The following LYST variants were observed in gnomAD, a reference collection of about 807,000 sequenced individuals.
The protein encoded by LYST is lysosomal-trafficking regulator.
A neutral mutation model predicts 413.6 loss-of-function variants in LYST; 192 were observed. The observed-to-expected ratio is 0.46, with a 90% CI of 0.41 to 0.52. LYST has a LOEUF of 0.52. Among genes scored for constraint, LYST ranks in the 20% least tolerant of loss-of-function variants. The pLI is 0.00. For missense variants in LYST, 3,815 were observed against 4,499.9 expected (o/e 0.85, Z 4.35); for synonymous variants, 1,525 against 1,567.3 (o/e 0.97, Z 0.64).
intron 1 of LYST, among the ~76,000 whole-genome samples, chr1:235,835,619 AG>A (rs1446635144): frequency 1.3e-5 from 2 of 152,230 alleles, no homozygotes; most frequent in African/African-American, 2.4e-5. Context: ...CCACCAGCAC[AG>A]TCACATGTGT....
chr1:235,832,050 T>C (rs1348622995), intron 2 of LYST, among the ~76,000 whole-genome samples: 1 of 152,212 alleles, frequency 6.6e-6, no homozygotes, highest in Non-Finnish European at 1.5e-5. Flanking sequence ...GTATCGTTTC[T>C]GGGATTTTCC....
Position 235,730,900 on chromosome 1 carries a change from A to G in LYST, c.8991T>C (p.Thr2997=). The G allele has an allele frequency of 6.2e-7, 1 of 1,613,834 alleles. No homozygotes were observed. Among genetic ancestry groups the G allele is most frequent in the Non-Finnish European group, 8.5e-7 (1 of 1,179,774 alleles). The change falls in exon 36 of 53, where the codon ACT becomes ACC. Residue 2997 remains threonine (T), a synonymous_variant. Coordinates refer to ENST00000389793, the MANE Select transcript of LYST (RefSeq NM_000081.4). ...TGACAGTAGAAGAGAAAGAAGAATG[A>G]GTTTTGTCTTCAAACAGGTAAGAGA... ...PPLSYLFEDK[T]HSSFSSTVKD... is the part of the protein sequence containing the mutation.
rs200223849 is a variant in LYST at position 235,748,357 on chromosome 1, TG to T, written c.7781-1831del. ...AAAAAATACATTTAAAAGTATATAT[TG>T]CTACCTTATTTATAATAGCAAAAAC... On this transcript the variant is annotated intron_variant, in intron 28 of 52. Transcript: ENST00000389793. Among the ~76,000 whole-genome samples the T allele has an allele frequency of 1.4e-3, 214 of 152,296 alleles. 2 individuals carry two copies. In the East Asian group the frequency reaches 0.014, roughly 10 times the overall value.
chr1:235,770,371 A>G (rs1450542366), intron 19 of LYST, 74 bp from the exon 20 acceptor site: 6 of 1,268,724 alleles, frequency 4.7e-6, no homozygotes, highest in Non-Finnish European at 6.9e-6. Context: ...GAAGACACAC[A>G]ACGCGCAACA....
chr1:235,687,621 C>T (rs998081539), intron 47 of LYST, among the ~76,000 whole-genome samples: 8 of 152,158 alleles, frequency 5.3e-5, no homozygotes, highest in African/African-American at 1.9e-4. Context: ...AGTCAATTTT[C>T]TATGTGGCCT....
At chr1:235,734,704 C>T in intron 31 of LYST, 45 bp from the exon 32 acceptor site, 1 of 1,336,148 alleles carries the variant, frequency 7.5e-7, no homozygotes, top group Non-Finnish European at 1.1e-6. Flanking sequence ...AATTTTAATT[C>T]TTACATTTAA....
chr1:235,727,148 A>G (rs1336710279), intron 38 of LYST, among the ~76,000 whole-genome samples: 1 of 142,466 alleles, frequency 7.0e-6, no homozygotes, highest in African/African-American at 2.6e-5. Flanking sequence ...TTTGAGACAG[A>G]GTCTCGCTCT....
At chr1:235,732,674 G>C (rs1664486110) in intron 34 of LYST, among the ~76,000 whole-genome samples, 1 of 152,160 alleles carries the variant, frequency 6.6e-6, no homozygotes, top group Admixed American at 6.5e-5. Flanking sequence ...GTGGTATCTA[G>C]AGGTTCTAGA....
chr1:235,737,761 C>T, intron 31 of LYST: 10 of 293,684 alleles, frequency 3.4e-5, no homozygotes, highest in Non-Finnish European at 5.1e-5. Context: ...TAATGACACT[C>T]CAAAAATAAA....
At chr1:235,881,851 A>C (rs1261223137) in intron 1 of LYST, among the ~76,000 whole-genome samples, 3 of 152,112 alleles carry the variant, frequency 2.0e-5, no homozygotes, top group African/African-American at 7.2e-5. Context: ...TGGTCGCCAG[A>C]AGCTGGGGGA....
At chr1:235,696,268 T>C (rs1253320553) in intron 46 of LYST, among the ~76,000 whole-genome samples, 1 of 152,220 alleles carries the variant, frequency 6.6e-6, no homozygotes, top group Non-Finnish European at 1.5e-5. Context: ...GCTGGCACCT[T>C]TGTATTGCAG....
At chr1:235,799,332 T>C (rs962257984) in intron 10 of LYST, among the ~76,000 whole-genome samples, 1 of 152,174 alleles carries the variant, frequency 6.6e-6, no homozygotes. Flanking sequence ...ATTTACATAG[T>C]CTCAAGTTAT....
chr1:235,875,075 G>T (rs1267707193), intron 1 of LYST, among the ~76,000 whole-genome samples: 1 of 152,172 alleles, frequency 6.6e-6, no homozygotes, highest in African/African-American at 2.4e-5. Context: ...GTACATTAAA[G>T]TATATTTTGT....
intron 19 of LYST, 97 bp from the exon 20 acceptor site, chr1:235,770,394 G>A: frequency 1.9e-6 from 2 of 1,063,624 alleles, no homozygotes; most frequent in Non-Finnish European, 2.9e-6. Context: ...TTAACATTGT[G>A]TATATATTCA....
At chr1:235,771,917 G>GTTTTTTT (rs1215590592) in intron 19 of LYST, among the ~76,000 whole-genome samples, 4 of 72,722 alleles carry the variant, frequency 5.5e-5, no homozygotes, top group Non-Finnish European at 7.7e-5. Context: ...TTTTTAGTTT[G>GTTTTTTT]TTTTTTTTTT....
chr1:235,758,121 T>C (rs945355333), intron 23 of LYST, among the ~76,000 whole-genome samples: 1 of 152,154 alleles, frequency 6.6e-6, no homozygotes, highest in Non-Finnish European at 1.5e-5. Flanking sequence ...TGAAAGGAGA[T>C]TTTTTTCATA....
intron 3 of LYST, 160 bp downstream of exon 3, chr1:235,830,062 TAAAC>T: frequency 8.3e-6 from 5 of 602,318 alleles, no homozygotes; most frequent in Non-Finnish European, 8.8e-6. Context: ...AGTATTCAAA[TAAAC>T]AATATGGTTA....
chr1:235,718,048 G>A (rs1165050875), intron 40 of LYST, among the ~76,000 whole-genome samples: 1 of 151,728 alleles, frequency 6.6e-6, no homozygotes, highest in Non-Finnish European at 1.5e-5. Flanking sequence ...ATTTTTATTA[G>A]AGATGGGGTT....
At chr1:235,727,998 CT>C (rs1344017480) in intron 38 of LYST, 77 bp downstream of exon 38, 1 of 1,028,612 alleles carries the variant, frequency 9.7e-7, no homozygotes, top group Non-Finnish European at 1.5e-6. Flanking sequence ...GTTCTTCCTT[CT>C]CTCTAGTTAT....
Sources: allele counts gnomAD v4.1 joint callset (sites outside exome capture counted in the v4.1 genomes callset), GRCh38; gene constraint gnomAD v4.1.1; transcripts MANE v1.5; gene names NCBI Gene and HGNC (gene_info 2026-07-23, HGNC 2026-07-21).